OTUD7A: variants seen among roughly 807,000 people sequenced by gnomAD.
The protein encoded by OTUD7A is OTU deubiquitinase 7A.
OTUD7A carries 12 observed loss-of-function variants against 65.7 expected under a neutral mutation model. The ratio of observed to expected loss-of-function variants is 0.18; its 90% CI spans 0.12 to 0.30. The LOEUF is 0.30. OTUD7A is among the 10% of genes least tolerant of loss of function. The pLI is 1.00. For missense variants in OTUD7A, 1,148 were observed against 1,304.8 expected, an observed-to-expected ratio of 0.88 and a Z score of 1.85; for synonymous variants, 641 against 586.3, an observed-to-expected ratio of 1.09 and a Z score of -1.35.
At chr15:31,501,634 A>G in intron 10 of OTUD7A, 56 bp downstream of exon 10, 1 of 1,607,520 alleles carries the variant, frequency 6.2e-7, no homozygotes, top group Non-Finnish European at 8.5e-7. Flanking sequence ...GTCCCTTCTG[A>G]TGGCTCTGCC....
At chr15:31,644,258 C>T (rs534631485) in intron 3 of OTUD7A, among the ~76,000 whole-genome samples, 9 of 152,234 alleles carry the variant, frequency 5.9e-5, no homozygotes, top group Admixed American at 2.6e-4. Context: ...TGAATGGCAA[C>T]GCTTTTGGGG....
At chr15:31,825,336 C>T (rs1166087818) in intron 1 of OTUD7A, among the ~76,000 whole-genome samples, 2 of 152,194 alleles carry the variant, frequency 1.3e-5, no homozygotes, top group African/African-American at 4.8e-5. Flanking sequence ...AGGAGCAAGT[C>T]ACATCTTACA....
At chr15:31,836,917 A>G (rs1897068350) in intron 1 of OTUD7A, among the ~76,000 whole-genome samples, 1 of 152,212 alleles carries the variant, frequency 6.6e-6, no homozygotes, top group Admixed American at 6.5e-5. Context: ...CTTTTTCCTT[A>G]TGGTCAGAAA....
chr15:31,653,061 C>CA (rs912642527), intron 3 of OTUD7A, among the ~76,000 whole-genome samples: 1 of 151,972 alleles, frequency 6.6e-6, no homozygotes, highest in African/African-American at 2.4e-5. Flanking sequence ...CCAGCCTGGC[C>CA]AATATGTTGA....
intron 3 of OTUD7A, among the ~76,000 whole-genome samples, chr15:31,640,413 AAT>A (rs1427211296): frequency 6.6e-6 from 1 of 152,222 alleles, no homozygotes; most frequent in African/African-American, 2.4e-5. Context: ...AATAAAAAAA[AAT>A]AATAAAAATA....
At chr15:31,590,257 C>T (rs531449269) in intron 3 of OTUD7A, among the ~76,000 whole-genome samples, 6 of 152,306 alleles carry the variant, frequency 3.9e-5, no homozygotes, top group African/African-American at 1.4e-4. Context: ...AGCCTAGAGC[C>T]TAGGTATGTA....
chr15:31,790,818 T>C (rs987240870), intron 1 of OTUD7A, among the ~76,000 whole-genome samples: 55 of 152,292 alleles, frequency 3.6e-4, no homozygotes, highest in African/African-American at 1.2e-3. Flanking sequence ...CCCCAGAGCA[T>C]GCAGGAGAGG....
rs1232247272 is a variant in OTUD7A at position 31,480,841 on chromosome 15, G to T, written c.*2453C>A. On this transcript the variant is annotated 3_prime_UTR_variant, in exon 13 of 13. Transcript: ENST00000307050. ...ATCAGCCTGGAGCAGGTGTCTACAG[G>T]CGTCTGGCGCCTCGTTACCACATTG... 6.6e-6 allele frequency: 1 copy of T among 152,256 alleles called. No homozygotes were observed. Among genetic ancestry groups the T allele is most frequent in the African/African-American group, 2.4e-5 (1 of 41,468 alleles). 9.4% of individuals were successfully genotyped at this position (152,256 alleles called of 1,614,324 possible). A position where few individuals can be genotyped will look rare whatever the true frequency, so the allele number is the denominator to read the frequency against.
At chr15:31,660,513 C>A (rs141382199) in intron 1 of OTUD7A, among the ~76,000 whole-genome samples, 309 of 152,314 alleles carry the variant, frequency 2.0e-3, no homozygotes, top group Non-Finnish European at 3.2e-3. Flanking sequence ...CATTCATATG[C>A]GTAGAGCACA....
intron 1 of OTUD7A, among the ~76,000 whole-genome samples, chr15:31,816,719 C>A (rs1473193821): frequency 6.0e-4 from 92 of 152,088 alleles, no homozygotes; most frequent in African/African-American, 2.2e-3. Context: ...ACATGTTAAA[C>A]ATACACTGAG....
chr15:31,552,315 C>T (rs1888350821), intron 5 of OTUD7A, among the ~76,000 whole-genome samples: 1 of 152,136 alleles, frequency 6.6e-6, no homozygotes, highest in Non-Finnish European at 1.5e-5. Flanking sequence ...TAAAGCAATG[C>T]AAATGGGCTA....
intron 3 of OTUD7A, among the ~76,000 whole-genome samples, chr15:31,587,128 C>T (rs1325949742): frequency 6.6e-6 from 1 of 152,162 alleles, no homozygotes; most frequent in African/African-American, 2.4e-5. Context: ...TGACTCTGTT[C>T]TTACCCTCAC....
At chr15:31,623,053 T>A (rs1406483368) in intron 3 of OTUD7A, among the ~76,000 whole-genome samples, 1 of 152,224 alleles carries the variant, frequency 6.6e-6, no homozygotes, top group Non-Finnish European at 1.5e-5. Context: ...TGCCTGGGTA[T>A]CAGCAGCAGA....
chr15:31,777,952 T>C (rs1036598120), intron 1 of OTUD7A, among the ~76,000 whole-genome samples: 2 of 151,808 alleles, frequency 1.3e-5, no homozygotes, highest in Non-Finnish European at 2.9e-5. Context: ...GTGACACAGG[T>C]GGAAATGATG....
chr15:31,625,574 G>A (rs1890927161), intron 3 of OTUD7A, among the ~76,000 whole-genome samples: 1 of 152,130 alleles, frequency 6.6e-6, no homozygotes, highest in South Asian at 2.1e-4. Flanking sequence ...AATTGAAAAG[G>A]TCTAGCAGTT....
At chr15:31,657,763 C>T (rs567868768) in intron 1 of OTUD7A, among the ~76,000 whole-genome samples, 5 of 152,266 alleles carry the variant, frequency 3.3e-5, no homozygotes, top group Admixed American at 1.3e-4. Flanking sequence ...GGACATTTGA[C>T]CCCAGCTACC....
chr15:31,857,561 C>T (rs181667805), intron 1 of OTUD7A, among the ~76,000 whole-genome samples: 2 of 152,096 alleles, frequency 1.3e-5, no homozygotes, highest in African/African-American at 4.8e-5. Flanking sequence ...GAGGAGTGTA[C>T]AGATAGAGTA....
At chr15:31,846,983 AG>A (rs1213437598) in intron 1 of OTUD7A, among the ~76,000 whole-genome samples, 9 of 152,166 alleles carry the variant, frequency 5.9e-5, no homozygotes, top group African/African-American at 2.2e-4. Context: ...TGAAAAGCCA[AG>A]GGTCGCCTTG....
At chr15:31,847,326 A>G (rs1897314868) in intron 1 of OTUD7A, among the ~76,000 whole-genome samples, 1 of 152,208 alleles carries the variant, frequency 6.6e-6, no homozygotes, top group Admixed American at 6.5e-5. Context: ...TTGTGAGTAC[A>G]TGATAGAAAT....
Sources: gnomAD v4.1 joint callset for allele counts (sites outside exome capture counted in the v4.1 genomes callset) on GRCh38, gnomAD v4.1.1 for gene constraint, MANE v1.5 for transcripts, NCBI Gene and HGNC (gene_info 2026-07-23, HGNC 2026-07-21) for gene names.